Variants in RUNX2 observed in about 807,000 individuals in gnomAD.
The protein encoded by RUNX2 is runt-related transcription factor 2.
Under a neutral mutation model 51.7 loss-of-function variants are expected in RUNX2, and 10 were observed. The ratio of observed to expected loss-of-function variants is 0.19; its 90% CI spans 0.12 to 0.33. The LOEUF is 0.33. Ranked by LOEUF, RUNX2 falls within the 10% of genes least tolerant of loss-of-function variation. The probability of loss-of-function intolerance (pLI) is 1.00; values close to 1 mark genes in which losing one functional copy is unlikely to be tolerated. For missense variants in RUNX2, 562 were observed against 691.3 expected (o/e 0.81, Z 2.10); for synonymous variants, 276 against 273.6 (o/e 1.01, Z -0.09).
intron 2 of RUNX2, among the ~76,000 whole-genome samples, chr6:45,337,912 T>G (rs1309036173): frequency 6.6e-6 from 1 of 151,970 alleles, no homozygotes; most frequent in African/African-American, 2.4e-5. Flanking sequence ...AATTCTAACT[T>G]TAAGAAACAA....
chr6:45,405,251 T>C (rs1399626090), intron 2 of RUNX2, among the ~76,000 whole-genome samples: 1 of 152,260 alleles, frequency 6.6e-6, no homozygotes, highest in African/African-American at 2.4e-5. Flanking sequence ...GTTACATACA[T>C]ATGTATTATT....
At chr6:45,528,340 G>T (rs1431682875) in intron 7 of RUNX2, among the ~76,000 whole-genome samples, 5 of 152,072 alleles carry the variant, frequency 3.3e-5, no homozygotes, top group Non-Finnish European at 5.9e-5. Flanking sequence ...TGCACTTTAG[G>T]TCAGGCGCGG....
intron 5 of RUNX2, among the ~76,000 whole-genome samples, chr6:45,464,433 T>C (rs1448874057): frequency 6.6e-6 from 1 of 152,204 alleles, no homozygotes; most frequent in Non-Finnish European, 1.5e-5. Context: ...TTAGTGATGA[T>C]GGGCTAGAAT....
intron 5 of RUNX2, among the ~76,000 whole-genome samples, chr6:45,471,507 C>T (rs1330491843): frequency 2.0e-5 from 3 of 149,954 alleles, no homozygotes; most frequent in East Asian, 2.0e-4. Context: ...TGTGGTGGCG[C>T]GATCTCGGCT....
At chr6:45,393,552 C>G (rs1797517949) in intron 2 of RUNX2, among the ~76,000 whole-genome samples, 1 of 152,078 alleles carries the variant, frequency 6.6e-6, no homozygotes, top group Admixed American at 6.5e-5. Flanking sequence ...GCCTCAGCCT[C>G]CCGAATAGCT....
intron 5 of RUNX2, among the ~76,000 whole-genome samples, chr6:45,465,707 A>G (rs1186576636): frequency 4.0e-5 from 6 of 150,962 alleles, no homozygotes; most frequent in Non-Finnish European, 8.8e-5. Flanking sequence ...CAGAAGTACA[A>G]TTTTGGCTCA....
intron 5 of RUNX2, among the ~76,000 whole-genome samples, chr6:45,452,344 G>T (rs1385729113): frequency 6.6e-6 from 1 of 152,186 alleles, no homozygotes; most frequent in African/African-American, 2.4e-5. Context: ...AAACCTTCAT[G>T]CATTTAAAGA....
At chr6:45,356,259 T>C (rs1249968250) in intron 2 of RUNX2, among the ~76,000 whole-genome samples, 1 of 152,104 alleles carries the variant, frequency 6.6e-6, no homozygotes, top group Non-Finnish European at 1.5e-5. Flanking sequence ...AAAAGATATA[T>C]TTGCAAAAGA....
chr6:45,331,126 TGCGCGC>T (rs1352072883), intron 2 of RUNX2, among the ~76,000 whole-genome samples: 1 of 132,822 alleles, frequency 7.5e-6, no homozygotes, highest in Admixed American at 7.3e-5. Flanking sequence ...TGTGTGTGTG[TGCGCGC>T]GCGCGCGCAC....
chr6:45,346,112 A>G (rs1377167064), intron 2 of RUNX2, among the ~76,000 whole-genome samples: 1 of 152,046 alleles, frequency 6.6e-6, no homozygotes, highest in Non-Finnish European at 1.5e-5. Flanking sequence ...CCACCTCCAT[A>G]TTCCTATAGT....
chr6:45,542,876 A>C (rs1194962754), intron 7 of RUNX2, among the ~76,000 whole-genome samples: 1 of 152,118 alleles, frequency 6.6e-6, no homozygotes, highest in Non-Finnish European at 1.5e-5. Context: ...ATATTGAGTA[A>C]ATGGCTTCTT....
chr6:45,513,856 C>T (rs991706981), intron 7 of RUNX2, among the ~76,000 whole-genome samples: 2 of 152,170 alleles, frequency 1.3e-5, no homozygotes, highest in African/African-American at 4.8e-5. Flanking sequence ...ATTAAAGGTA[C>T]GGGAAAGGAT....
chr6:45,423,362 G>A (rs1413412750), intron 3 of RUNX2, among the ~76,000 whole-genome samples: 2 of 152,136 alleles, frequency 1.3e-5, no homozygotes, highest in African/African-American at 4.8e-5. Flanking sequence ...GAGGATCCCC[G>A]GCATTGTCCC....
chr6:45,352,202 A>T (rs1287376566), intron 2 of RUNX2, among the ~76,000 whole-genome samples: 1 of 152,200 alleles, frequency 6.6e-6, no homozygotes, highest in Non-Finnish European at 1.5e-5. Context: ...GTCAGTCCCA[A>T]AGGACTTACA....
chr6:45,476,182 T>C (rs1001113968), intron 5 of RUNX2, among the ~76,000 whole-genome samples: 1 of 152,208 alleles, frequency 6.6e-6, no homozygotes, highest in Admixed American at 6.5e-5. Context: ...TGTTACTTTC[T>C]GATAGACAAC....
chr6:45,506,961 T>A (rs904895668), intron 6 of RUNX2, among the ~76,000 whole-genome samples: 1 of 151,378 alleles, frequency 6.6e-6, no homozygotes, highest in Non-Finnish European at 1.5e-5. Context: ...TGGCAACAGT[T>A]TTCTTTCCTT....
At chr6:45,355,556 A>G (rs937198058) in intron 2 of RUNX2, among the ~76,000 whole-genome samples, 3 of 152,140 alleles carry the variant, frequency 2.0e-5, no homozygotes, top group Non-Finnish European at 4.4e-5. Flanking sequence ...TCTCCACTGT[A>G]TCATGCTACC....
Position 45,549,013 on chromosome 6 carries a change from T to C in RUNX2, c.*1708T>C, listed in dbSNP as rs537488922. The C allele has an allele frequency of 1.8e-5, 7 of 397,952 alleles. No homozygotes were observed. In the South Asian group the frequency reaches 1.0e-3, roughly 57 times the overall value. The allele number at this position is 397,952 out of a possible 1,614,324, so 24.7% of individuals were successfully genotyped here. On this transcript the variant is annotated 3_prime_UTR_variant, in exon 9 of 9. Coordinates refer to ENST00000647337, the MANE Select transcript of RUNX2 (RefSeq NM_001024630.4). ...AGACAGCCTTTGACATTTGTATTTC[T>C]TACAATGGAGGGCCAAGGAGGGCAA...
At chr6:45,438,429 T>C (rs1289879711) in intron 5 of RUNX2, among the ~76,000 whole-genome samples, 1 of 152,216 alleles carries the variant, frequency 6.6e-6, no homozygotes, top group African/African-American at 2.4e-5. Flanking sequence ...CAAAAAGCAC[T>C]GGCATGTGTT....
Sources: allele counts gnomAD v4.1 joint callset (sites outside exome capture counted in the v4.1 genomes callset), GRCh38; gene constraint gnomAD v4.1.1; transcripts MANE v1.5; gene names NCBI Gene and HGNC (gene_info 2026-07-23, HGNC 2026-07-21).